Variants in CNTNAP3B observed in about 807,000 individuals in gnomAD.
The protein encoded by CNTNAP3B is contactin associated protein family member 3B.
A neutral mutation model predicts 108.9 loss-of-function variants in CNTNAP3B; 25 were observed. That is an observed-to-expected ratio of 0.23 (90% CI 0.17 to 0.32). The LOEUF (loss-of-function observed/expected upper bound fraction) is 0.32, where lower values mean the gene tolerates loss of function less well. Among genes scored for constraint, CNTNAP3B ranks in the 10% least tolerant of loss-of-function variants. CNTNAP3B has a pLI of 1.00. For synonymous variants in CNTNAP3B, 103 were observed against 473.4 expected, an observed-to-expected ratio of 0.22 and a Z score of 10.16; for missense variants, 252 against 1,210.4, an observed-to-expected ratio of 0.21 and a Z score of 11.75.
intron 13 of CNTNAP3B, among the ~76,000 whole-genome samples, chr9:41,948,496 C>A (rs1332887815): frequency 1.4e-5 from 2 of 146,204 alleles, no homozygotes; most frequent in East Asian, 4.1e-4. Flanking sequence ...TTTATGTAGG[C>A]AGTATTGTCC....
intron 3 of CNTNAP3B, among the ~76,000 whole-genome samples, chr9:42,072,988 T>TGCAAAC: frequency 7.3e-6 from 1 of 137,598 alleles, no homozygotes; most frequent in South Asian, 2.3e-4. Flanking sequence ...AAAATGCAAA[T>TGCAAAC]AGCCCCAAAG....
In CNTNAP3B at chr9:41,977,298, T is replaced by C. The variant is rs1189100436; in HGVS notation, c.1478-7053A>G. Among the ~76,000 whole-genome samples, 11 of 151,580 alleles carry C rather than the reference T, an allele frequency of 7.3e-5. No individual in the cohort carries two copies. In the East Asian group the frequency reaches 2.0e-3, roughly 27 times the overall value. On this transcript the variant is annotated intron_variant, in intron 9 of 23. Transcript: ENST00000377561. ...TGTAATCAACTTTATTTAGTATCAC[T>C]TAAAAAAATGAATAGTACTTTCATT...
intron 3 of CNTNAP3B, among the ~76,000 whole-genome samples, chr9:42,019,879 T>C (rs1826278943): frequency 1.5e-5 from 2 of 130,616 alleles, no homozygotes; most frequent in Admixed American, 7.9e-5. Flanking sequence ...AGAAAATAAA[T>C]GAATAATCAA....
At chr9:42,090,934 C>A in intron 2 of CNTNAP3B, among the ~76,000 whole-genome samples, 1 of 67,570 alleles carries the variant, frequency 1.5e-5, no homozygotes, top group African/African-American at 5.3e-5. Context: ...TTGGATTTGA[C>A]TATTAAGTAC....
intron 1 of CNTNAP3B, among the ~76,000 whole-genome samples, chr9:42,109,242 A>G (rs1215085708): frequency 7.1e-6 from 1 of 141,670 alleles, no homozygotes. Flanking sequence ...TAGGAAATAA[A>G]CAGAAGAGCA....
intron 3 of CNTNAP3B, among the ~76,000 whole-genome samples, chr9:42,060,059 G>A (rs1335169371): frequency 6.7e-6 from 1 of 148,844 alleles, no homozygotes; most frequent in Non-Finnish European, 1.5e-5. Context: ...TTTCAGTACT[G>A]TGTTGAAAGA....
intron 3 of CNTNAP3B, among the ~76,000 whole-genome samples, chr9:42,028,087 C>CT: frequency 2.3e-5 from 1 of 42,748 alleles, no homozygotes; most frequent in African/African-American, 1.0e-4. Context: ...AATGTGTCAC[C>CT]TTTTTTTCAA....
At chr9:41,957,965 T>A (rs2118181513) in intron 12 of CNTNAP3B, among the ~76,000 whole-genome samples, 1 of 152,356 alleles carries the variant, frequency 6.6e-6, no homozygotes, top group South Asian at 2.1e-4. Context: ...GGTTTCACAG[T>A]GTTAGCCAGG....
At chr9:41,927,529 A>G (rs1419445448) in intron 15 of CNTNAP3B, among the ~76,000 whole-genome samples, 36 of 148,334 alleles carry the variant, frequency 2.4e-4, no homozygotes, top group East Asian at 6.0e-4. Flanking sequence ...GAGGAAGGGA[A>G]GGAGAGAAAG....
At chr9:42,014,143 C>T (rs1826181113) in intron 3 of CNTNAP3B, among the ~76,000 whole-genome samples, 1 of 42,280 alleles carries the variant, frequency 2.4e-5, no homozygotes, top group Non-Finnish European at 5.5e-5. Flanking sequence ...GTGAACACAG[C>T]TCCATGCACC....
intron 3 of CNTNAP3B, among the ~76,000 whole-genome samples, chr9:42,062,557 C>T (rs1587240101): frequency 9.3e-6 from 1 of 107,294 alleles, no homozygotes. Context: ...TTTTATAATC[C>T]ATTAAGTCAC....
intron 13 of CNTNAP3B, among the ~76,000 whole-genome samples, chr9:41,943,373 G>A (rs1211825197): frequency 9.3e-6 from 1 of 107,546 alleles, no homozygotes; most frequent in African/African-American, 3.4e-5. Flanking sequence ...TTTTTTTTGA[G>A]ATGGAGTCTC....
chr9:41,953,845 TTAAAATA>T (rs1824775168), intron 12 of CNTNAP3B, among the ~76,000 whole-genome samples: 1 of 152,034 alleles, frequency 6.6e-6, no homozygotes, highest in African/African-American at 2.4e-5. Context: ...AGCAGCTCTA[TTAAAATA>T]AAGTGGTTTA....
rs1405081476 is a variant in CNTNAP3B, at chr9:41,953,394, G to A, written c.1877-8C>T. The A allele has an allele frequency of 6.5e-7, 1 of 1,538,766 alleles. No homozygotes were observed. The highest frequency in any genetic ancestry group is 8.7e-7 in the Non-Finnish European group (1 of 1,145,018). On this transcript the variant is annotated splice_region_variant and splice_polypyrimidine_tract_variant and intron_variant, in intron 12 of 23. Transcript: ENST00000377561. The stretch of plus-strand genomic sequence containing the variant: ...CCGTCCACGCGGAGTCTGCTGAGCA[G>A]AAACGGGCAAAGGAGAGGCATCACT...
chr9:42,117,047 C>A lies in CNTNAP3B; in HGVS notation c.85+11963G>T, dbSNP rs149505608. Among the ~76,000 whole-genome samples, 11 of 138,854 alleles carry A rather than the reference C, an allele frequency of 7.9e-5. 1 individual carries two copies. In the South Asian group the frequency reaches 2.6e-3, roughly 32 times the overall value. The allele number at this position is 138,854 out of a possible 152,430, so 91.1% of individuals were successfully genotyped here. A position where few individuals can be genotyped will look rare whatever the true frequency, so the allele number is the denominator to read the frequency against. On this transcript the variant is annotated intron_variant, in intron 1 of 23. Coordinates refer to ENST00000377561, the MANE Select transcript of CNTNAP3B (RefSeq NM_001201380.3). Reference sequence around the variant, plus strand: ...AAGCAAGTCCTTAGAGGTGTACAAACAGACTTAGACTTCCACACAATAATA... The same window carrying A: ...AAGCAAGTCCTTAGAGGTGTACAAAAAGACTTAGACTTCCACACAATAATA...
chr9:41,943,520 T>C (rs199975823), intron 13 of CNTNAP3B, among the ~76,000 whole-genome samples: 1,712 of 151,538 alleles, frequency 0.011, no homozygotes, highest in South Asian at 0.042. Flanking sequence ...GCCCAGCTAA[T>C]TTTTTGTATT....
At chr9:42,097,692 C>T (rs1046320722) in intron 2 of CNTNAP3B, among the ~76,000 whole-genome samples, 3 of 136,182 alleles carry the variant, frequency 2.2e-5, no homozygotes, top group Non-Finnish European at 4.7e-5. Context: ...ATATATATTG[C>T]CTTTACTCCA....
chr9:41,926,485 G>A (rs1823822712), intron 15 of CNTNAP3B, among the ~76,000 whole-genome samples: 2 of 152,280 alleles, frequency 1.3e-5, no homozygotes, highest in African/African-American at 4.8e-5. Context: ...TTTTAGAGAT[G>A]AGGTCTCACT....
At chr9:42,067,126 C>G (rs1227894699) in intron 3 of CNTNAP3B, among the ~76,000 whole-genome samples, 1 of 149,696 alleles carries the variant, frequency 6.7e-6, no homozygotes, top group Non-Finnish European at 1.5e-5. Context: ...GGCCTCTCTC[C>G]TTGAACTCCT....
Sources: allele counts gnomAD v4.1 joint callset (sites outside exome capture counted in the v4.1 genomes callset), GRCh38; gene constraint gnomAD v4.1.1; transcripts MANE v1.5; gene names NCBI Gene and HGNC (gene_info 2026-07-23, HGNC 2026-07-21).